Variants in ZMIZ1 observed in about 807,000 individuals in gnomAD.
ZMIZ1 encodes the protein zinc finger MIZ domain-containing protein 1.
Under a neutral mutation model 113.9 loss-of-function variants are expected in ZMIZ1, and 17 were observed. The observed-to-expected ratio is 0.15, with a 90% CI of 0.10 to 0.22. The LOEUF (loss-of-function observed/expected upper bound fraction) is 0.22. Ranked by LOEUF, ZMIZ1 falls within the 10% of genes least tolerant of loss-of-function variation. The probability of loss-of-function intolerance (pLI) is 1.00; values close to 1 mark genes in which losing one functional copy is unlikely to be tolerated. For synonymous variants in ZMIZ1, 607 were observed against 603.1 expected (o/e 1.01, Z -0.09); for missense variants, 1,059 against 1,477.8 (o/e 0.72, Z 4.65).
chr10:79,110,520 C>G (rs540260039), intron 1 of ZMIZ1, among the ~76,000 whole-genome samples: 3 of 152,310 alleles, frequency 2.0e-5, no homozygotes, highest in African/African-American at 4.8e-5. Flanking sequence ...AACTGGAAGC[C>G]TCAGCCTGCA....
chr10:79,259,933 C>T (rs4979856), intron 7 of ZMIZ1, among the ~76,000 whole-genome samples: 3,237 of 152,266 alleles, frequency 0.021, 128 homozygotes, highest in East Asian at 0.17. Flanking sequence ...ACCTTCTAGA[C>T]AGTATGTTGT....
At chr10:79,191,960 A>G (rs1847624837) in intron 4 of ZMIZ1, among the ~76,000 whole-genome samples, 1 of 152,232 alleles carries the variant, frequency 6.6e-6, no homozygotes, top group South Asian at 2.1e-4. Context: ...ATAGTTGTTC[A>G]GTACCTCTTT....
rs1254326268 is a variant in ZMIZ1 at position 79,314,245 on chromosome 10, A to G, written c.*1496A>G. 4 of 456,906 alleles carry G rather than the reference A, an allele frequency of 8.8e-6. No individual in the cohort carries two copies. The highest frequency in any genetic ancestry group is 6.0e-5 in the African/African-American group (3 of 50,078). 28.3% of individuals were successfully genotyped at this position (456,906 alleles called of 1,614,324 possible). On this transcript the variant is annotated 3_prime_UTR_variant, in exon 25 of 25. Coordinates refer to ENST00000334512, the MANE Select transcript of ZMIZ1 (RefSeq NM_020338.4). ...GGCTGGTCTGTGCCCCGTGAGCCAC[A>G]TGGCCTAGGGTGATGCCAGGTTGTC...
chr10:79,225,613 T>C (rs1349263920), intron 7 of ZMIZ1, among the ~76,000 whole-genome samples: 1 of 152,050 alleles, frequency 6.6e-6, no homozygotes, highest in African/African-American at 2.4e-5. Flanking sequence ...GTGAAGGGGT[T>C]TAGAAAAGGC....
chr10:79,201,775 G>A, intron 5 of ZMIZ1, 83 bp downstream of exon 5: 2 of 1,501,750 alleles, frequency 1.3e-6, no homozygotes, highest in Non-Finnish European at 1.8e-6. Context: ...GTTCTGGCTG[G>A]AGACGATGGC....
intron 7 of ZMIZ1, among the ~76,000 whole-genome samples, chr10:79,274,676 A>G (rs900517828): frequency 6.6e-6 from 1 of 152,112 alleles, no homozygotes; most frequent in Non-Finnish European, 1.5e-5. Context: ...GTGACTCCCC[A>G]TCCCCCCACC....
At chr10:79,075,191 G>A (rs538545710) in intron 1 of ZMIZ1, among the ~76,000 whole-genome samples, 70 of 152,246 alleles carry the variant, frequency 4.6e-4, no homozygotes, top group African/African-American at 1.6e-3. Flanking sequence ...GGTGGGTGTC[G>A]TGTTTTTCTG....
At chr10:79,249,103 A>G (rs1387948857) in intron 7 of ZMIZ1, among the ~76,000 whole-genome samples, 2 of 152,220 alleles carry the variant, frequency 1.3e-5, no homozygotes, top group East Asian at 3.9e-4. Flanking sequence ...GGCATGTTTC[A>G]GAGAGGAAGG....
chr10:79,181,207 C>G (rs917288902), intron 4 of ZMIZ1, among the ~76,000 whole-genome samples: 1 of 152,142 alleles, frequency 6.6e-6, no homozygotes, highest in African/African-American at 2.4e-5. Context: ...GATGGCCCTT[C>G]CCAGTGGGAA....
rs1449289065 is a variant in ZMIZ1, at chr10:79,136,574, G to A, written c.-226-3108G>A. Among the ~76,000 whole-genome samples, 5 of 152,356 alleles carry A rather than the reference G, an allele frequency of 3.3e-5. No homozygotes were observed. In the East Asian group the frequency reaches 5.8e-4, roughly 18 times the overall value. ...ACCCTTCTGGTCACTTGAGGGAGGT[G>A]GAGAGAAGTGGTGAAGGGCTGGCAA... On this transcript the variant is annotated intron_variant, in intron 2 of 24. Coordinates refer to ENST00000334512, the MANE Select transcript of ZMIZ1 (RefSeq NM_020338.4).
chr10:79,262,704 C>T (rs903359586), intron 7 of ZMIZ1, among the ~76,000 whole-genome samples: 10 of 152,200 alleles, frequency 6.6e-5, no homozygotes, highest in Admixed American at 3.9e-4. Flanking sequence ...TGCTTGTGCA[C>T]GACTAAAACC....
chr10:79,070,657 C>A (rs1842240274), intron 1 of ZMIZ1, among the ~76,000 whole-genome samples: 2 of 152,058 alleles, frequency 1.3e-5, no homozygotes, highest in South Asian at 4.1e-4. Context: ...TCCAGCAGGT[C>A]ACAGAGCGAG....
At chr10:79,277,557 A>G (rs1209466684) in intron 8 of ZMIZ1, among the ~76,000 whole-genome samples, 5 of 152,190 alleles carry the variant, frequency 3.3e-5, no homozygotes, top group African/African-American at 1.2e-4. Context: ...TTCAGGTTCT[A>G]GGCTTCTGGC....
intron 7 of ZMIZ1, among the ~76,000 whole-genome samples, chr10:79,251,213 C>G (rs1187284580): frequency 2.0e-5 from 3 of 152,132 alleles, no homozygotes; most frequent in Non-Finnish European, 4.4e-5. Flanking sequence ...TCCCCCTCCT[C>G]TCCTGTCTTC....
intron 4 of ZMIZ1, among the ~76,000 whole-genome samples, chr10:79,199,606 GT>G (rs1230024199): frequency 6.6e-6 from 1 of 152,132 alleles, no homozygotes; most frequent in Non-Finnish European, 1.5e-5. Context: ...TGTATAGAAT[GT>G]TATTATTTTA....
chr10:79,263,051 G>A (rs1851366037), intron 7 of ZMIZ1, among the ~76,000 whole-genome samples: 3 of 152,238 alleles, frequency 2.0e-5, no homozygotes. Context: ...ACAGGTTTTG[G>A]GTCGAGAACC....
intron 7 of ZMIZ1, among the ~76,000 whole-genome samples, chr10:79,254,014 C>G (rs1850721039): frequency 6.6e-6 from 1 of 152,222 alleles, no homozygotes. Flanking sequence ...TTTCAGCCAA[C>G]TTTGTTTTTA....
chr10:79,088,696 C>T (rs909589617), intron 1 of ZMIZ1, among the ~76,000 whole-genome samples: 4 of 152,210 alleles, frequency 2.6e-5, no homozygotes, highest in African/African-American at 9.6e-5. Context: ...TGCTGCAATG[C>T]TGGCTGCTTT....
chr10:79,133,210 G>T (rs985352792), intron 2 of ZMIZ1, among the ~76,000 whole-genome samples: 3 of 152,210 alleles, frequency 2.0e-5, no homozygotes, highest in African/African-American at 7.2e-5. Flanking sequence ...CAGGTCCTTT[G>T]GCTACTTCCC....
Sources: gnomAD v4.1 joint callset for allele counts (sites outside exome capture counted in the v4.1 genomes callset) on GRCh38, gnomAD v4.1.1 for gene constraint, MANE v1.5 for transcripts, NCBI Gene and HGNC (gene_info 2026-07-23, HGNC 2026-07-21) for gene names.